The following BLOC1S5 variants were observed in gnomAD, a reference collection of about 807,000 sequenced individuals.
The protein encoded by BLOC1S5 is biogenesis of lysosome-related organelles complex 1 subunit 5.
Under a neutral mutation model 24.3 loss-of-function variants are expected in BLOC1S5, and 27 were observed. That is an observed-to-expected ratio of 1.11 (90% CI 0.82 to 1.53). The LOEUF (loss-of-function observed/expected upper bound fraction) is 1.53. Ranked by LOEUF, BLOC1S5 falls within the 40% of genes most tolerant of loss-of-function variation. BLOC1S5 has a pLI of 0.00. For missense variants in BLOC1S5, 239 were observed against 229.4 expected, an observed-to-expected ratio of 1.04 and a Z score of -0.27; for synonymous variants, 84 against 74.5, an observed-to-expected ratio of 1.13 and a Z score of -0.66.
chr6:8,041,205 T>C lies in BLOC1S5; in HGVS notation c.259A>G (p.Asn87Asp). The change falls in exon 3 of 5, where the codon AAT becomes GAT. Residue 87 changes from asparagine (N) to aspartate (D), a missense_variant. Physicochemically the swap from Asn to Asp is conservative, Grantham distance 23. Transcript: ENST00000397457. ...CTACATTTGGGAAGAGTATGTTCATTTGTTTCATGGATCATGTTCTTCAAA... is the reference window on the plus strand; with the variant it reads ...CTACATTTGGGAAGAGTATGTTCATCTGTTTCATGGATCATGTTCTTCAAA... The part of the protein sequence containing the change: ...ENLKNMIHET[N>D]EHTLPKCRDT... 1 of 1,613,340 alleles carries C rather than the reference T, an allele frequency of 6.2e-7. No homozygotes were observed. Among genetic ancestry groups the C allele is most frequent in the Non-Finnish European group, 8.5e-7 (1 of 1,179,586 alleles).
intron 2 of BLOC1S5, among the ~76,000 whole-genome samples, chr6:8,045,619 G>A (rs1218781868): frequency 6.6e-6 from 1 of 152,220 alleles, no homozygotes; most frequent in Non-Finnish European, 1.5e-5. Flanking sequence ...CAGGGCTGGA[G>A]CCTCCCAAGA....
Position 8,014,808 on chromosome 6 carries a change from C to T in BLOC1S5, c.*841G>A, listed in dbSNP as rs1178024187. The stretch of plus-strand genomic sequence containing the variant: ...TTTTGTTGATTACTCATTAAACAGT[C>T]GAAACATGTATAGACATTATTTATC... On this transcript the variant is annotated 3_prime_UTR_variant, in exon 5 of 5. Transcript: ENST00000397457. 1.3e-5 allele frequency: 2 copies of T among 152,312 alleles called. No homozygotes were observed. The highest frequency in any genetic ancestry group is 2.9e-5 in the Non-Finnish European group (2 of 68,032). 9.4% of individuals were successfully genotyped at this position (152,312 alleles called of 1,614,324 possible).
intron 4 of BLOC1S5, among the ~76,000 whole-genome samples, chr6:8,023,926 CAGAAAA>C (rs2043619934): frequency 6.6e-6 from 1 of 151,508 alleles, no homozygotes; most frequent in African/African-American, 2.4e-5. Context: ...GGCAGTAAAA[CAGAAAA>C]AGAAAAAGAA....
intron 2 of BLOC1S5, among the ~76,000 whole-genome samples, chr6:8,046,991 C>G (rs559699075): frequency 6.6e-6 from 1 of 151,990 alleles, no homozygotes; most frequent in Admixed American, 6.6e-5. Flanking sequence ...ACTTTGTTGT[C>G]CAGGCTGGCC....
At chr6:8,031,999 C>G (rs1026300016) in intron 3 of BLOC1S5, among the ~76,000 whole-genome samples, 2 of 152,132 alleles carry the variant, frequency 1.3e-5, no homozygotes, top group South Asian at 4.1e-4. Context: ...AATCTAAGAC[C>G]TAAAACCATA....
intron 3 of BLOC1S5, among the ~76,000 whole-genome samples, chr6:8,039,205 C>T (rs1763599237): frequency 6.6e-6 from 1 of 152,146 alleles, no homozygotes; most frequent in Non-Finnish European, 1.5e-5. Context: ...ACAAATATTG[C>T]ATGCTCTCAC....
In BLOC1S5 at chr6:8,049,228, G is replaced by A. The variant is rs184022169; in HGVS notation, c.196-7960C>T. Among the ~76,000 whole-genome samples, 961 of 151,982 alleles carry A rather than the reference G, an allele frequency of 6.3e-3. 10 individuals carry two copies. Among genetic ancestry groups the A allele is most frequent in the Middle Eastern group, 0.02 (6 of 294 alleles). ...TCTACTAAAAATACAAACATTAGCC[G>A]GGCGTGGTGGCAGGCACCTGTAATC... On this transcript the variant is annotated intron_variant, in intron 2 of 4. Transcript: ENST00000397457.
intron 3 of BLOC1S5, among the ~76,000 whole-genome samples, chr6:8,033,479 A>C (rs2113544649): frequency 6.6e-6 from 1 of 152,354 alleles, no homozygotes; most frequent in African/African-American, 2.4e-5. Context: ...AAATTAATTC[A>C]AGATGGATTA....
intron 3 of BLOC1S5, among the ~76,000 whole-genome samples, chr6:8,039,745 TGTTCTA>T (rs1189634113): frequency 6.6e-6 from 1 of 152,212 alleles, no homozygotes; most frequent in African/African-American, 2.4e-5. Flanking sequence ...TAGCAGGCAC[TGTTCTA>T]GGTGCCTGAG....
At chr6:8,044,109 C>G (rs9392953) in intron 2 of BLOC1S5, among the ~76,000 whole-genome samples, 66,588 of 151,600 alleles carry the variant, frequency 0.44, 15,558 homozygotes, top group East Asian at 0.75. Flanking sequence ...CGGTGAAACC[C>G]CATCTCTACT....
At chr6:8,032,129 T>C (rs1763319204) in intron 3 of BLOC1S5, among the ~76,000 whole-genome samples, 1 of 152,044 alleles carries the variant, frequency 6.6e-6, no homozygotes, top group African/African-American at 2.4e-5. Context: ...GGGACTCAAT[T>C]AAACTAAAAA....
chr6:8,060,270 G>GT (rs1764467385), intron 2 of BLOC1S5, among the ~76,000 whole-genome samples: 1 of 152,170 alleles, frequency 6.6e-6, no homozygotes, highest in Non-Finnish European at 1.5e-5. Flanking sequence ...TGTAACAATC[G>GT]TGATGTGTTA....
intron 3 of BLOC1S5, among the ~76,000 whole-genome samples, chr6:8,034,867 A>G (rs1379885877): frequency 6.6e-6 from 1 of 152,162 alleles, no homozygotes; most frequent in Non-Finnish European, 1.5e-5. Flanking sequence ...ACAATTCTCA[A>G]CTGCAAAAAT....
intron 2 of BLOC1S5, among the ~76,000 whole-genome samples, chr6:8,044,005 C>G (rs1190379770): frequency 6.6e-6 from 1 of 152,104 alleles, no homozygotes. Flanking sequence ...CCTTTCAGGC[C>G]AGGCGCGATG....
chr6:8,022,367 A>G (rs181831997), intron 4 of BLOC1S5, among the ~76,000 whole-genome samples: 1 of 151,688 alleles, frequency 6.6e-6, no homozygotes, highest in Admixed American at 6.6e-5. Flanking sequence ...GGTCTACGGG[A>G]AAACTCTGAA....
intron 3 of BLOC1S5, among the ~76,000 whole-genome samples, chr6:8,028,514 A>T (rs1013522433): frequency 1.3e-5 from 2 of 152,114 alleles, no homozygotes; most frequent in African/African-American, 4.8e-5. Context: ...TCCATTTGGC[A>T]GTTGTTAGGA....
At chr6:8,051,030 A>G (rs1475816468) in intron 2 of BLOC1S5, among the ~76,000 whole-genome samples, 1 of 152,044 alleles carries the variant, frequency 6.6e-6, no homozygotes, top group African/African-American at 2.4e-5. Context: ...TCTACTAAAA[A>G]TACAAAAATC....
chr6:8,024,934 A>G (rs1763058315), intron 4 of BLOC1S5, among the ~76,000 whole-genome samples: 1 of 152,240 alleles, frequency 6.6e-6, no homozygotes, highest in Non-Finnish European at 1.5e-5. Flanking sequence ...AACACCAGAC[A>G]TAAAAGAAGC....
intron 4 of BLOC1S5, among the ~76,000 whole-genome samples, chr6:8,025,453 C>G (rs1183026651): frequency 3.3e-5 from 5 of 152,216 alleles, no homozygotes; most frequent in African/African-American, 9.6e-5. Context: ...GGCCCTGCTT[C>G]CTGACTGGCC....
Sources: gnomAD v4.1 joint callset for allele counts (sites outside exome capture counted in the v4.1 genomes callset) on GRCh38, gnomAD v4.1.1 for gene constraint, MANE v1.5 for transcripts, NCBI Gene and HGNC (gene_info 2026-07-23, HGNC 2026-07-21) for gene names.